IL1RAPL1: variants seen among roughly 807,000 people sequenced by gnomAD.
IL1RAPL1 encodes interleukin-1 receptor accessory protein-like 1.
Under a neutral mutation model 48.4 loss-of-function variants are expected in IL1RAPL1, and 3 were observed. The observed-to-expected ratio is 0.06, with a 90% CI of 0.03 to 0.16. The LOEUF (loss-of-function observed/expected upper bound fraction) is 0.16, where lower values mean the gene tolerates loss of function less well. Among genes scored for constraint, IL1RAPL1 ranks in the 10% least tolerant of loss-of-function variants. The pLI, the probability that IL1RAPL1 is intolerant of heterozygous loss-of-function variation, is 1.00. For missense variants in IL1RAPL1, 349 were observed against 530.6 expected, an observed-to-expected ratio of 0.66 and a Z score of 3.36; for synonymous variants, 185 against 187.7, an observed-to-expected ratio of 0.99 and a Z score of 0.12.
At position 29,828,301 on chromosome X, in the gene IL1RAPL1, T is replaced by C. The variant is rs73221609; in HGVS notation, c.779-89163T>C. On this transcript the variant is annotated intron_variant, in intron 6 of 10. Coordinates refer to ENST00000378993, the MANE Select transcript of IL1RAPL1 (RefSeq NM_014271.4). ...CTGGAGAGTTCTGAGAAGAGAGTCATGAACTGCTTTGCATTTTAATAGGAT... is the reference window on the plus strand; with the variant it reads ...CTGGAGAGTTCTGAGAAGAGAGTCACGAACTGCTTTGCATTTTAATAGGAT... Among the ~76,000 whole-genome samples, 91 of 111,914 alleles carry C rather than the reference T, an allele frequency of 8.1e-4. 2 individuals carry two copies. The highest frequency in any genetic ancestry group is 1.4e-3 in the Non-Finnish European group (75 of 53,187).
intron 2 of IL1RAPL1, among the ~76,000 whole-genome samples, chrX:28,995,356 G>A (rs1298923936): frequency 1.8e-5 from 2 of 110,704 alleles, no homozygotes; most frequent in Non-Finnish European, 3.8e-5. Flanking sequence ...CAAGGCTTAG[G>A]CATTAAGTAA....
intron 6 of IL1RAPL1, among the ~76,000 whole-genome samples, chrX:29,827,755 T>G (rs1601842232): frequency 8.9e-6 from 1 of 112,763 alleles, no homozygotes; most frequent in Admixed American, 9.4e-5. Flanking sequence ...AGATTCCTAA[T>G]CTATTCAATG....
At position 29,782,887 on chromosome X, in the gene IL1RAPL1, C is replaced by CTTTTT. The variant is rs1569167260; in HGVS notation, c.778+114383_778+114384insTTTTT. The stretch of plus-strand genomic sequence containing the variant: ...GGAAGATAAAATGGGTTGATCGTGA[C>CTTTTT]ATTTTTTTTTTTTTTTTTTTTTTTT... On this transcript the variant is annotated intron_variant, in intron 6 of 10. Transcript: ENST00000378993. Among the ~76,000 whole-genome samples, 49 of 59,844 alleles carry CTTTTT rather than the reference C, an allele frequency of 8.2e-4. 3 individuals are homozygous for CTTTTT. The highest frequency in any genetic ancestry group is 2.9e-3 in the African/African-American group (45 of 15,460). 52.0% of individuals were successfully genotyped at this position (59,844 alleles called of 115,157 possible). A position where few individuals can be genotyped will look rare whatever the true frequency, so the allele number is the denominator to read the frequency against.
chrX:29,096,383 T>C (rs1928215449), intron 2 of IL1RAPL1, among the ~76,000 whole-genome samples: 1 of 112,250 alleles, frequency 8.9e-6, no homozygotes, highest in Non-Finnish European at 1.9e-5. Flanking sequence ...AATGTAAATA[T>C]AATTTCATTA....
chrX:29,395,911 G>T lies in IL1RAPL1; in HGVS notation c.363-347G>T, dbSNP rs1278859029. On this transcript the variant is annotated intron_variant, in intron 3 of 10. Transcript: ENST00000378993. ...ACACTTTTCTACTTCTATTGAATTT[G>T]CCAATTTTAGCATAAGCCCAGGCTT... Among the ~76,000 whole-genome samples the T allele has an allele frequency of 3.6e-5, 4 of 112,383 alleles. No homozygotes were observed. In the East Asian group the frequency reaches 1.1e-3, roughly 31 times the overall value.
In IL1RAPL1 at chrX:29,552,357, A is replaced by G. The variant is rs146144513; in HGVS notation, c.704-116073A>G. On this transcript the variant is annotated intron_variant, in intron 5 of 10. Coordinates refer to ENST00000378993, the MANE Select transcript of IL1RAPL1 (RefSeq NM_014271.4). ...AGGGTCAATATTACCCTTGGCCCCT[A>G]CAGTTTTAACTTATTTTTCAGGAGA... Among the ~76,000 whole-genome samples, 546 of 111,083 alleles carry G rather than the reference A, an allele frequency of 4.9e-3. 3 individuals carry two copies. Among genetic ancestry groups the G allele is most frequent in the African/African-American group, 0.017 (520 of 30,528 alleles).
At chrX:29,016,737 TTATAAG>T (rs1033794254) in intron 2 of IL1RAPL1, among the ~76,000 whole-genome samples, 7 of 111,388 alleles carry the variant, frequency 6.3e-5, no homozygotes, top group Admixed American at 9.6e-5. Context: ...ATAGTTCAAA[TTATAAG>T]TATATTTTTA....
Position 29,897,865 on chromosome X carries a change from A to G in IL1RAPL1, c.779-19599A>G, listed in dbSNP as rs1183536767. Among the ~76,000 whole-genome samples the G allele has an allele frequency of 8.9e-5, 10 of 112,101 alleles. No homozygotes were observed. The East Asian group carries it at 2.8e-3, about 31-fold the overall frequency. On this transcript the variant is annotated intron_variant, in intron 6 of 10. Coordinates refer to ENST00000378993, the MANE Select transcript of IL1RAPL1 (RefSeq NM_014271.4). ...TCCAAGAGCTTTTCTGTGACTACAG[A>G]TTGTTGGAGAAAACAGGTAGTGAAG...
intron 1 of IL1RAPL1, among the ~76,000 whole-genome samples, chrX:28,734,007 C>T (rs1601879246): frequency 9.0e-6 from 1 of 111,369 alleles, no homozygotes; most frequent in East Asian, 2.9e-4. Context: ...TTCTTTGAGT[C>T]ATCCTTCACT....
At chrX:29,310,817 G>C (rs750125247) in intron 3 of IL1RAPL1, among the ~76,000 whole-genome samples, 1 of 112,027 alleles carries the variant, frequency 8.9e-6, no homozygotes, top group African/African-American at 3.2e-5. Flanking sequence ...ATTTATTTCT[G>C]TATTGCCAGG....
At chrX:29,916,019 G>T (rs779282876) in intron 6 of IL1RAPL1, among the ~76,000 whole-genome samples, 1 of 99,295 alleles carries the variant, frequency 1.0e-5, no homozygotes, top group African/African-American at 3.7e-5. Flanking sequence ...TTGTTCTTGC[G>T]ATAGTTTACT....
At chrX:29,096,200 A>G (rs1301934961) in intron 2 of IL1RAPL1, among the ~76,000 whole-genome samples, 1 of 111,262 alleles carries the variant, frequency 9.0e-6, no homozygotes, top group Non-Finnish European at 1.9e-5. Context: ...GCTTTATCTA[A>G]TTGTGCCTTG....
At chrX:29,065,015 G>A (rs1363320001) in intron 2 of IL1RAPL1, among the ~76,000 whole-genome samples, 1 of 111,821 alleles carries the variant, frequency 8.9e-6, no homozygotes, top group Non-Finnish European at 1.9e-5. Flanking sequence ...ATATATCTTT[G>A]TTCCCTTCCA....
intron 1 of IL1RAPL1, among the ~76,000 whole-genome samples, chrX:28,629,226 C>T (rs1278004547): frequency 3.6e-5 from 4 of 111,356 alleles, no homozygotes; most frequent in Admixed American, 9.6e-5. Context: ...GAGTAGGAGA[C>T]ATTTATGCAA....
intron 3 of IL1RAPL1, among the ~76,000 whole-genome samples, chrX:29,324,264 G>C (rs1485143629): frequency 9.0e-6 from 1 of 111,467 alleles, no homozygotes; most frequent in Non-Finnish European, 1.9e-5. Context: ...TATAAAAAGA[G>C]AGAAGCCATA....
intron 6 of IL1RAPL1, among the ~76,000 whole-genome samples, chrX:29,707,381 A>G (rs1408979748): frequency 8.9e-6 from 1 of 112,239 alleles, no homozygotes; most frequent in Non-Finnish European, 1.9e-5. Flanking sequence ...CAGTGTAGAG[A>G]TTTCTTAAAG....
At chrX:29,217,775 TCTCACACACACACACA>T (rs1421823995) in intron 2 of IL1RAPL1, among the ~76,000 whole-genome samples, 6 of 68,426 alleles carry the variant, frequency 8.8e-5, no homozygotes, top group African/African-American at 2.0e-4. Flanking sequence ...TCTCTCTCTC[TCTCACACACACACACA>T]CACACACACA....
At chrX:29,572,015 G>A (rs1225331914) in intron 5 of IL1RAPL1, among the ~76,000 whole-genome samples, 1 of 112,102 alleles carries the variant, frequency 8.9e-6, no homozygotes, top group Non-Finnish European at 1.9e-5. Context: ...TGTCAAAAAG[G>A]CTTAGTAGTA....
chrX:28,713,587 G>C (rs1486132651), intron 1 of IL1RAPL1, among the ~76,000 whole-genome samples: 2 of 110,995 alleles, frequency 1.8e-5, no homozygotes, highest in Non-Finnish European at 1.9e-5. Flanking sequence ...CAGCAGGAAG[G>C]ATTGGGTCTA....
Sources: allele counts gnomAD v4.1 joint callset (sites outside exome capture counted in the v4.1 genomes callset), GRCh38; gene constraint gnomAD v4.1.1; transcripts MANE v1.5; gene names NCBI Gene and HGNC (gene_info 2026-07-23, HGNC 2026-07-21).